NBAS: variants seen among roughly 807,000 people sequenced by gnomAD.
NBAS encodes the protein NBAS subunit of NRZ tethering complex.
NBAS carries 219 observed loss-of-function variants against 302.5 expected under a neutral mutation model. The ratio of observed to expected loss-of-function variants is 0.72; its 90% confidence interval spans 0.65 to 0.81. NBAS has a LOEUF of 0.81. NBAS is among the 30% of genes least tolerant of loss of function. The pLI is 0.00. For synonymous variants in NBAS, 1,118 were observed against 1,021.6 expected (o/e 1.09, Z -1.80); for missense variants, 2,932 against 2,841.6 (o/e 1.03, Z -0.72).
At chr2:14,903,326 G>T in the NBAS span, among the ~76,000 whole-genome samples, 1 of 98,634 alleles carries the variant, frequency 1.0e-5, no homozygotes, top group Non-Finnish European at 2.3e-5. Flanking sequence ...AATAAGCTTT[G>T]CAAAAAAAAA....
At chr2:15,062,184 G>A in the NBAS span, among the ~76,000 whole-genome samples, 1 of 152,272 alleles carries the variant, frequency 6.6e-6, no homozygotes, top group East Asian at 1.9e-4. Context: ...CCTGGTTTCT[G>A]GTACCCTGTA....
the NBAS span, among the ~76,000 whole-genome samples, chr2:15,141,140 G>A: frequency 5.9e-5 from 9 of 151,492 alleles, no homozygotes; most frequent in Admixed American, 5.3e-4. Context: ...TCTCTCTCTC[G>A]CTCCCATCCC....
intron 12 of NBAS, among the ~76,000 whole-genome samples, chr2:15,487,665 C>T (rs1402417409): frequency 3.9e-5 from 6 of 152,188 alleles, no homozygotes; most frequent in Non-Finnish European, 8.8e-5. Flanking sequence ...AGTTCTGCTG[C>T]CTGACATCCC....
chr2:15,096,947 T>C, the NBAS span, among the ~76,000 whole-genome samples: 1 of 152,068 alleles, frequency 6.6e-6, no homozygotes, highest in Admixed American at 6.6e-5. Context: ...AGCAAGAATG[T>C]GGATGTGAGG....
chr2:15,045,804 C>T, the NBAS span, among the ~76,000 whole-genome samples: 1 of 152,226 alleles, frequency 6.6e-6, no homozygotes, highest in African/African-American at 2.4e-5. Flanking sequence ...TTCCATATGG[C>T]TATACTAATT....
chr2:15,397,470 C>T, intron 26 of NBAS: 1 of 511,686 alleles, frequency 2.0e-6, no homozygotes, highest in East Asian at 5.4e-5. Flanking sequence ...GGGGCAGCAC[C>T]CGCAGGTCAA....
chr2:14,903,364 A>G, the NBAS span, among the ~76,000 whole-genome samples: 2 of 152,160 alleles, frequency 1.3e-5, no homozygotes, highest in African/African-American at 4.8e-5. Context: ...TTGAAAATAA[A>G]AACCAGAAAT....
the NBAS span, among the ~76,000 whole-genome samples, chr2:14,965,847 T>C: frequency 1.3e-5 from 2 of 152,194 alleles, no homozygotes; most frequent in Non-Finnish European, 2.9e-5. Flanking sequence ...AGGGTAGAAT[T>C]GGGTCTCTCA....
rs906087098 is a variant in NBAS, at chr2:15,190,355, T to G, written c.6481A>C (p.Met2161Leu). The G allele has an allele frequency of 1.3e-5, 21 of 1,614,034 alleles. No homozygotes were observed. The highest frequency in any genetic ancestry group is 1.6e-5 in the Non-Finnish European group (19 of 1,179,926). ...ENEENRYCLF[M>L]ELLESSHHEA... ...TGGTGACTAGATTCCAGGAGTTCCATGAATAGACAGTAGCGGTTCTCTTCA... is the reference window on the plus strand; with the variant it reads ...TGGTGACTAGATTCCAGGAGTTCCAGGAATAGACAGTAGCGGTTCTCTTCA... The change falls in exon 49 of 52, where the codon ATG (methionine) becomes CTG (leucine). Residue 2161 changes from methionine to leucine, a missense_variant. Transcript: ENST00000281513.
At chr2:15,018,303 A>G in the NBAS span, among the ~76,000 whole-genome samples, 1 of 152,082 alleles carries the variant, frequency 6.6e-6, no homozygotes, top group Non-Finnish European at 1.5e-5. Flanking sequence ...TTCAGTGTTC[A>G]CAGCACAAAG....
chr2:15,370,456 C>T (rs1378259596), intron 31 of NBAS, among the ~76,000 whole-genome samples: 6 of 152,134 alleles, frequency 3.9e-5, no homozygotes, highest in African/African-American at 1.4e-4. Flanking sequence ...CCAAGCCTGG[C>T]TAATTTTTTA....
At chr2:15,452,430 C>CTAAAAAA (rs1259287124) in intron 21 of NBAS, among the ~76,000 whole-genome samples, 4 of 36,004 alleles carry the variant, frequency 1.1e-4, no homozygotes, top group East Asian at 6.1e-4. Flanking sequence ...CCCGTCTCTA[C>CTAAAAAA]TAAAAAAATT....
chr2:15,123,052 C>T, the NBAS span, among the ~76,000 whole-genome samples: 1 of 152,198 alleles, frequency 6.6e-6, no homozygotes, highest in East Asian at 1.9e-4. Context: ...CTGATGACCA[C>T]CAGTGACTTC....
At chr2:15,504,250 G>C in intron 10 of NBAS, 37 bp from the exon 11 acceptor site, 1 of 1,468,794 alleles carries the variant, frequency 6.8e-7, no homozygotes, top group African/African-American at 1.4e-5. Flanking sequence ...AAAGATTACT[G>C]AAATGACTTA....
intron 2 of NBAS, among the ~76,000 whole-genome samples, chr2:15,557,394 T>C (rs2052436): frequency 0.52 from 78,753 of 151,968 alleles, 23,391 homozygotes; most frequent in Non-Finnish European, 0.67. Context: ...CTAGGTGGTA[T>C]GAGGACAAAT....
intron 3 of NBAS, among the ~76,000 whole-genome samples, chr2:15,556,155 C>A (rs765102687): frequency 1.3e-5 from 2 of 152,266 alleles, no homozygotes; most frequent in East Asian, 3.9e-4. Flanking sequence ...TCCTAGAGAA[C>A]GCCAAAGGTC....
At chr2:15,170,217 G>A (rs1664229135) in intron 51 of NBAS, among the ~76,000 whole-genome samples, 1 of 152,202 alleles carries the variant, frequency 6.6e-6, no homozygotes, top group Non-Finnish European at 1.5e-5. Context: ...GGCCGCTGCT[G>A]CTCTCATTCC....
chr2:15,403,864 CGT>C (rs10624311), intron 25 of NBAS, among the ~76,000 whole-genome samples: 3,206 of 135,352 alleles, frequency 0.024, 65 homozygotes, highest in African/African-American at 0.061. Flanking sequence ...TTCCTTCCTT[CGT>C]GTGTGTGTGT....
chr2:15,486,090 C>CTGTGA (rs1453379899), intron 12 of NBAS, among the ~76,000 whole-genome samples: 1 of 152,236 alleles, frequency 6.6e-6, no homozygotes, highest in East Asian at 1.9e-4. Flanking sequence ...GTGATGAACT[C>CTGTGA]TGAACCGGGG....
Sources: gnomAD v4.1 joint callset for allele counts (sites outside exome capture counted in the v4.1 genomes callset) on GRCh38, gnomAD v4.1.1 for gene constraint, MANE v1.5 for transcripts, NCBI Gene and HGNC (gene_info 2026-07-23, HGNC 2026-07-21) for gene names.